The following FAM167A variants were observed in gnomAD, a reference collection of about 807,000 sequenced individuals.
FAM167A encodes family with sequence similarity 167 member A.
In FAM167A, 23 loss-of-function variants were observed where a neutral mutation model predicts 14.9. The ratio of observed to expected loss-of-function variants is 1.55; its 90% CI spans 1.11 to 2.19. The LOEUF is 2.19. Ranked by LOEUF, FAM167A falls within the 30% of genes most tolerant of loss-of-function variation. The pLI is 0.00. For missense variants in FAM167A, 401 were observed against 281.5 expected (o/e 1.42, Z -3.04); for synonymous variants, 174 against 117.7 (o/e 1.48, Z -3.10).
At chr8:11,434,018 A>G (rs1805809646) in intron 2 of FAM167A, 1 of 152,230 alleles carries the variant, frequency 6.6e-6, no homozygotes, top group African/African-American at 2.4e-5. Context: ...CCTGAGAAAG[A>G]GCCAGATTAA....
intron 1 of FAM167A, chr8:11,445,521 G>T (rs1043956934): frequency 3.0e-6 from 3 of 985,572 alleles, no homozygotes; most frequent in Non-Finnish European, 3.6e-6. Flanking sequence ...GTGACTCATT[G>T]TTCTAGAACG....
At chr8:11,456,888 G>A (rs1311924057) in intron 1 of FAM167A, among the ~76,000 whole-genome samples, 2 of 128,630 alleles carry the variant, frequency 1.6e-5, no homozygotes, top group African/African-American at 6.4e-5. Context: ...CCCTGGGTTA[G>A]GGAAATGGGG....
upstream of FAM167A, among the ~76,000 whole-genome samples, chr8:11,468,790 T>C (rs1381844258): frequency 6.6e-6 from 1 of 152,166 alleles, no homozygotes; most frequent in Non-Finnish European, 1.5e-5. Flanking sequence ...GCAGATGCTT[T>C]CTCATGGGGG....
chr8:11,457,806 T>C (rs1376276689), intron 1 of FAM167A, among the ~76,000 whole-genome samples: 1 of 152,178 alleles, frequency 6.6e-6, no homozygotes, highest in African/African-American at 2.4e-5. Flanking sequence ...ACTCCCCACC[T>C]TCCAGGCCAC....
chr8:11,444,815 G>A lies in FAM167A; in HGVS notation c.-397-7C>T, dbSNP rs111496367. On this transcript the variant is annotated splice_polypyrimidine_tract_variant and splice_region_variant and intron_variant, in intron 1 of 2. Coordinates refer to ENST00000284486, the MANE Select transcript of FAM167A (RefSeq NM_053279.3). ...GGGCAGGTGGCTGGAGACCCTGTGGGAGGGATGAGAACCGCATCAGTCCCG... is the reference window on the plus strand; with the variant it reads ...GGGCAGGTGGCTGGAGACCCTGTGGAAGGGATGAGAACCGCATCAGTCCCG... The A allele has an allele frequency of 4.0e-6, 4 of 1,003,182 alleles. No individual in the cohort carries two copies. The highest frequency in any genetic ancestry group is 5.0e-4 in the Middle Eastern group (1 of 2,014). The allele number at this position is 1,003,182 out of a possible 1,614,324, so 62.1% of individuals were successfully genotyped here.
Position 11,421,660 on chromosome 8 carries a change from C to T in FAM167A, c.*2713G>A. 1 of 398,846 alleles carries T rather than the reference C, an allele frequency of 2.5e-6. No individual in the cohort carries two copies. Among genetic ancestry groups the T allele is most frequent in the Non-Finnish European group, 4.4e-6 (1 of 226,052 alleles). The allele number at this position is 398,846 out of a possible 1,614,324, so 24.7% of individuals were successfully genotyped here. A position where few individuals can be genotyped will look rare whatever the true frequency, so the allele number is the denominator to read the frequency against. ...CAGGCATCGTCAAGCCTGCCCAGGC[C>T]CTCCAGGCCTCTTTGATAGCTACTG... On this transcript the variant is annotated 3_prime_UTR_variant, in exon 3 of 3. Coordinates refer to ENST00000284486, the MANE Select transcript of FAM167A (RefSeq NM_053279.3).
chr8:11,443,001 C>G (rs531981309), intron 2 of FAM167A, among the ~76,000 whole-genome samples: 27 of 152,326 alleles, frequency 1.8e-4, no homozygotes, highest in African/African-American at 5.8e-4. Context: ...GCAAAACAAA[C>G]CAAGCAGGCC....
intron 1 of FAM167A, among the ~76,000 whole-genome samples, chr8:11,458,156 G>A (rs1807405966): frequency 6.6e-6 from 1 of 152,074 alleles, no homozygotes; most frequent in Admixed American, 6.5e-5. Context: ...TCTTTCTTGA[G>A]TTGAGATGGG....
chr8:11,431,090 G>A (rs1805552440), intron 2 of FAM167A, among the ~76,000 whole-genome samples: 1 of 152,208 alleles, frequency 6.6e-6, no homozygotes, highest in Admixed American at 6.5e-5. Flanking sequence ...GCAAAAGCTA[G>A]AACCTGGATT....
chr8:11,462,340 G>A (rs1807576036), intron 1 of FAM167A, among the ~76,000 whole-genome samples: 1 of 152,202 alleles, frequency 6.6e-6, no homozygotes, highest in African/African-American at 2.4e-5. Context: ...CTAGGCCTAG[G>A]TTCCACATCC....
rs1302916154 is a variant in FAM167A, at chr8:11,423,585, A to G, written c.*788T>C. 1.3e-5 allele frequency: 2 copies of G among 152,288 alleles called. No homozygotes were observed. The highest frequency in any genetic ancestry group is 6.5e-5 in the Admixed American group (1 of 15,282). 9.4% of individuals were successfully genotyped at this position (152,288 alleles called of 1,614,324 possible). ...AATGCTTTCAGGACCTGCCTGGTTC[A>G]GTCACCAGTGGTCTCCCAGGCTGTC... On this transcript the variant is annotated 3_prime_UTR_variant, in exon 3 of 3. Transcript: ENST00000284486.
At chr8:11,452,915 G>T (rs997734721) in intron 1 of FAM167A, among the ~76,000 whole-genome samples, 3 of 152,220 alleles carry the variant, frequency 2.0e-5, no homozygotes, top group Admixed American at 6.5e-5. Flanking sequence ...TCACGCAGGA[G>T]AAAGTGGAGG....
chr8:11,421,940 A>G lies in FAM167A; in HGVS notation c.*2433T>C. The stretch of plus-strand genomic sequence containing the variant: ...GTGGTTAGTTGTGTTCACTGTGCAA[A>G]GTAAGGAAGCCAGTCAACACTGGAC... On this transcript the variant is annotated 3_prime_UTR_variant, in exon 3 of 3. Transcript: ENST00000284486. The G allele has an allele frequency of 2.5e-6, 1 of 398,006 alleles. No homozygotes were observed. The highest frequency in any genetic ancestry group is 4.4e-6 in the Non-Finnish European group (1 of 225,944). 24.7% of individuals were successfully genotyped at this position (398,006 alleles called of 1,614,324 possible).
At chr8:11,447,993 A>C (rs1806859711) in intron 1 of FAM167A, among the ~76,000 whole-genome samples, 1 of 152,204 alleles carries the variant, frequency 6.6e-6, no homozygotes, top group Non-Finnish European at 1.5e-5. Flanking sequence ...CAAGAGTTCA[A>C]GACCAGCCTG....
At chr8:11,444,948 G>C (rs938139942) in intron 1 of FAM167A, 140 bp from the exon 2 acceptor site, 2 of 749,466 alleles carry the variant, frequency 2.7e-6, no homozygotes, top group Non-Finnish European at 3.3e-6. Flanking sequence ...CGGGACGGAA[G>C]TGAGATCATT....
At chr8:11,468,169 T>C (rs1426086740), upstream of FAM167A, among the ~76,000 whole-genome samples, 2 of 152,192 alleles carry the variant, frequency 1.3e-5, no homozygotes, top group Admixed American at 1.3e-4. Flanking sequence ...GGGGAAACTC[T>C]TAAGAATGGA....
chr8:11,471,736 T>C (rs2618485), upstream of FAM167A, among the ~76,000 whole-genome samples: 1 of 152,088 alleles, frequency 6.6e-6, no homozygotes, highest in Non-Finnish European at 1.5e-5. Flanking sequence ...GGGTCAGGGG[T>C]TGCCCTCTCA....
At chr8:11,474,942 G>A (rs1224586498) in intron 1 of FAM167A, among the ~76,000 whole-genome samples, 4 of 152,066 alleles carry the variant, frequency 2.6e-5, no homozygotes, top group African/African-American at 9.7e-5. Flanking sequence ...GGAGGCAAAA[G>A]GAAGGGAAGA....
At chr8:11,443,749 A>C in intron 2 of FAM167A, 2 of 368,950 alleles carry the variant, frequency 5.4e-6, no homozygotes, top group Non-Finnish European at 5.0e-6. Flanking sequence ...TGTTGGGGGG[A>C]GGGGGGTACA....
Sources: allele counts gnomAD v4.1 joint callset (sites outside exome capture counted in the v4.1 genomes callset), GRCh38; gene constraint gnomAD v4.1.1; transcripts MANE v1.5; gene names NCBI Gene and HGNC (gene_info 2026-07-23, HGNC 2026-07-21).